FAM171A1: variants seen among roughly 807,000 people sequenced by gnomAD.
FAM171A1 encodes the protein family with sequence similarity 171 member A1.
In FAM171A1, 23 loss-of-function variants were observed where a neutral mutation model predicts 74.9. The ratio of observed to expected loss-of-function variants is 0.31; its 90% confidence interval spans 0.22 to 0.44. FAM171A1 has a LOEUF of 0.44. Ranked by LOEUF, FAM171A1 falls within the 20% of genes least tolerant of loss-of-function variation. The pLI, the probability that FAM171A1 is intolerant of heterozygous loss-of-function variation, is 1.00. For missense variants in FAM171A1, 1,162 were observed against 1,159.2 expected, an observed-to-expected ratio of 1.00 and a Z score of -0.03; for synonymous variants, 527 against 505.7, an observed-to-expected ratio of 1.04 and a Z score of -0.57.
Position 15,230,017 on chromosome 10 carries a change from G to C in FAM171A1, c.755-8957C>G, listed in dbSNP as rs995511756. Among the ~76,000 whole-genome samples the C allele has an allele frequency of 2.0e-5, 3 of 149,792 alleles. No homozygotes were observed. In the East Asian group the frequency reaches 5.8e-4, roughly 29 times the overall value. ...TAGAAAACAGATGACTTGCTTCCTA[G>C]AGCTTTCATCTGCATTAAGCAATAA... On this transcript the variant is annotated intron_variant, in intron 5 of 7. Transcript: ENST00000378116.
In FAM171A1 at chr10:15,215,496, G is replaced by A. The variant is rs370276125; in HGVS notation, c.986+500C>T. Reference sequence around the variant, plus strand: ...TTCTCCTGCCTCAGCCTCCCAAGTAGCTGGGATTATAGGCGTGTGCCACCA... The same window carrying A: ...TTCTCCTGCCTCAGCCTCCCAAGTAACTGGGATTATAGGCGTGTGCCACCA... On this transcript the variant is annotated intron_variant, in intron 7 of 7. Transcript: ENST00000378116. Among the ~76,000 whole-genome samples the A allele has an allele frequency of 8.5e-5, 13 of 152,244 alleles. No individual in the cohort carries two copies. The East Asian group carries it at 1.2e-3, about 14-fold the overall frequency.
At chr10:15,286,244 A>G (rs1481106477) in intron 1 of FAM171A1, among the ~76,000 whole-genome samples, 1 of 152,120 alleles carries the variant, frequency 6.6e-6, no homozygotes, top group African/African-American at 2.4e-5. Context: ...AACAAAAGGG[A>G]CAGGTGAGAC....
chr10:15,237,990 T>C (rs1050802702), intron 5 of FAM171A1, among the ~76,000 whole-genome samples: 7 of 152,216 alleles, frequency 4.6e-5, no homozygotes, highest in Non-Finnish European at 1.0e-4. Context: ...GAATTCCTCC[T>C]TTGCTGAATG....
intron 1 of FAM171A1, among the ~76,000 whole-genome samples, chr10:15,314,802 C>A (rs1289755432): frequency 2.0e-5 from 3 of 152,170 alleles, no homozygotes; most frequent in Non-Finnish European, 4.4e-5. Context: ...GTATCCGCTG[C>A]CACATTCCTG....
Position 15,212,580 on chromosome 10 carries a change from C to A in FAM171A1, c.*335G>T. On this transcript the variant is annotated 3_prime_UTR_variant, in exon 8 of 8. Transcript: ENST00000378116. ...AAAAGTTTCATCTGTTCCCAGAATC[C>A]GAGGGAGAACTGAGGTGATCGTTAG... The A allele has an allele frequency of 3.4e-6, 1 of 293,640 alleles. No homozygotes were observed. The highest frequency in any genetic ancestry group is 6.3e-6 in the Non-Finnish European group (1 of 158,328). 18.2% of individuals were successfully genotyped at this position (293,640 alleles called of 1,614,324 possible).
chr10:15,304,317 T>C (rs1025034708), intron 1 of FAM171A1, among the ~76,000 whole-genome samples: 1 of 152,168 alleles, frequency 6.6e-6, no homozygotes, highest in African/African-American at 2.4e-5. Flanking sequence ...TCCCAGCAAT[T>C]ACTCCTGGAG....
At chr10:15,261,525 T>C (rs1299877523) in intron 3 of FAM171A1, among the ~76,000 whole-genome samples, 1 of 152,210 alleles carries the variant, frequency 6.6e-6, no homozygotes, top group Non-Finnish European at 1.5e-5. Flanking sequence ...GAGAAGGCAG[T>C]CATGGAAACG....
chr10:15,350,270 A>G (rs1835862411), intron 1 of FAM171A1, among the ~76,000 whole-genome samples: 1 of 151,756 alleles, frequency 6.6e-6, no homozygotes, highest in Non-Finnish European at 1.5e-5. Context: ...AAAAGCTACA[A>G]TCCACAGGGA....
intron 6 of FAM171A1, among the ~76,000 whole-genome samples, chr10:15,219,447 A>G (rs1409447536): frequency 6.6e-6 from 1 of 152,214 alleles, no homozygotes; most frequent in Non-Finnish European, 1.5e-5. Flanking sequence ...TTTAGTGCTT[A>G]AGACAATTCT....
chr10:15,341,348 G>A (rs924286629), intron 1 of FAM171A1, among the ~76,000 whole-genome samples: 2 of 152,146 alleles, frequency 1.3e-5, no homozygotes, highest in Non-Finnish European at 2.9e-5. Flanking sequence ...GGACTGAAGG[G>A]TATGCTTTAG....
At chr10:15,274,684 A>T in intron 3 of FAM171A1, among the ~76,000 whole-genome samples, 1 of 152,248 alleles carries the variant, frequency 6.6e-6, no homozygotes, top group East Asian at 1.9e-4. Flanking sequence ...GTACCAAAAC[A>T]GACATATAGA....
intron 3 of FAM171A1, among the ~76,000 whole-genome samples, chr10:15,274,233 C>T (rs1459702570): frequency 1.3e-5 from 2 of 152,142 alleles, no homozygotes; most frequent in African/African-American, 4.8e-5. Context: ...CATTCCTATA[C>T]ACCAATAACA....
At chr10:15,289,582 AGT>A (rs978954251) in intron 1 of FAM171A1, among the ~76,000 whole-genome samples, 3 of 152,100 alleles carry the variant, frequency 2.0e-5, no homozygotes, top group African/African-American at 7.2e-5. Flanking sequence ...TTACCAAAAC[AGT>A]CACCCTCTTC....
intron 1 of FAM171A1, among the ~76,000 whole-genome samples, chr10:15,299,783 C>T (rs908726202): frequency 2.6e-5 from 4 of 152,020 alleles, no homozygotes; most frequent in African/African-American, 9.7e-5. Context: ...TTGAGACCAT[C>T]CTGGCTAACA....
intron 3 of FAM171A1, among the ~76,000 whole-genome samples, chr10:15,268,288 G>A (rs182825212): frequency 6.6e-6 from 1 of 152,132 alleles, no homozygotes; most frequent in Non-Finnish European, 1.5e-5. Flanking sequence ...TTGATTACTG[G>A]TTTGGCAAGA....
At chr10:15,294,227 C>A (rs1835134954) in intron 1 of FAM171A1, among the ~76,000 whole-genome samples, 1 of 152,196 alleles carries the variant, frequency 6.6e-6, no homozygotes, top group East Asian at 1.9e-4. Flanking sequence ...GTGCTGCTTG[C>A]CCTGCTCGGG....
intron 3 of FAM171A1, among the ~76,000 whole-genome samples, chr10:15,271,331 G>C (rs757474729): frequency 6.6e-6 from 1 of 152,162 alleles, no homozygotes; most frequent in Non-Finnish European, 1.5e-5. Flanking sequence ...GAGAAGTTTA[G>C]AGAAATAAAG....
At chr10:15,267,247 G>T (rs1421225710) in intron 3 of FAM171A1, among the ~76,000 whole-genome samples, 1 of 152,166 alleles carries the variant, frequency 6.6e-6, no homozygotes, top group South Asian at 2.1e-4. Flanking sequence ...GCGTGCATGG[G>T]CACAGAACCG....
intron 3 of FAM171A1, among the ~76,000 whole-genome samples, chr10:15,270,553 G>T (rs1399698594): frequency 5.9e-5 from 9 of 152,182 alleles, no homozygotes; most frequent in African/African-American, 1.9e-4. Context: ...CAGAGTTTGA[G>T]ATCTGAGAAC....
Sources: gnomAD v4.1 joint callset for allele counts (sites outside exome capture counted in the v4.1 genomes callset) on GRCh38, gnomAD v4.1.1 for gene constraint, MANE v1.5 for transcripts, NCBI Gene and HGNC (gene_info 2026-07-23, HGNC 2026-07-21) for gene names.